The following CALN1 variants were observed in gnomAD, a reference collection of about 807,000 sequenced individuals.
CALN1 encodes calneuron 1.
CALN1 carries 17 observed loss-of-function variants against 30.6 expected under a neutral mutation model. That is an observed-to-expected ratio of 0.56 (90% CI 0.38 to 0.83). The LOEUF is 0.83. CALN1 is among the 40% of genes least tolerant of loss of function. The pLI is 0.00. For missense variants in CALN1, 291 were observed against 354.9 expected (o/e 0.82, Z 1.45); for synonymous variants, 156 against 131.4 (o/e 1.19, Z -1.28).
chr7:72,148,783 T>A (rs1786979078), intron 3 of CALN1, among the ~76,000 whole-genome samples: 1 of 152,138 alleles, frequency 6.6e-6, no homozygotes, highest in East Asian at 1.9e-4. Context: ...CAGGCACCTG[T>A]AATCCCAGTT....
At chr7:72,439,976 G>GGGGCCAAC (rs1808301165) in intron 1 of CALN1, among the ~76,000 whole-genome samples, 1 of 152,172 alleles carries the variant, frequency 6.6e-6, no homozygotes. Context: ...AAAGATCCAT[G>GGGGCCAAC]TATAAGTGGC....
intron 2 of CALN1, among the ~76,000 whole-genome samples, chr7:72,304,446 C>G (rs979442622): frequency 6.6e-6 from 1 of 152,084 alleles, no homozygotes; most frequent in Non-Finnish European, 1.5e-5. Context: ...AGTTCCAGGC[C>G]AGCCTGGGCA....
chr7:72,490,401 G>A, the CALN1 span, among the ~76,000 whole-genome samples: 1 of 152,174 alleles, frequency 6.6e-6, no homozygotes, highest in Non-Finnish European at 1.5e-5. Flanking sequence ...TCAGGCAGAC[G>A]CGGATTTTCA....
At chr7:72,266,881 T>C (rs543434360) in intron 3 of CALN1, among the ~76,000 whole-genome samples, 3 of 152,258 alleles carry the variant, frequency 2.0e-5, no homozygotes, top group East Asian at 3.9e-4. Context: ...ACAAAAGATA[T>C]CTTTCTCAAG....
chr7:72,197,180 T>TC (rs1791081489), intron 3 of CALN1, among the ~76,000 whole-genome samples: 1 of 45,798 alleles, frequency 2.2e-5, no homozygotes, highest in Admixed American at 2.2e-4. Context: ...AAGGTTTGCT[T>TC]TTTTTTTTTT....
chr7:72,024,956 T>C (rs754586603), intron 4 of CALN1, among the ~76,000 whole-genome samples: 1 of 152,192 alleles, frequency 6.6e-6, no homozygotes, highest in Non-Finnish European at 1.5e-5. Flanking sequence ...TAGGCAGAAC[T>C]GGTCGAACTT....
At position 72,072,221 on chromosome 7, in the gene CALN1, T is replaced by A. The variant is rs576249027; in HGVS notation, c.388+33930A>T. Reference sequence around the variant, plus strand: ...CAAAGAGACCCACATCAAGACATACTATAGTCAAACTTTCAAAAGACAAAG... The same window carrying A: ...CAAAGAGACCCACATCAAGACATACAATAGTCAAACTTTCAAAAGACAAAG... On this transcript the variant is annotated intron_variant, in intron 4 of 6. Coordinates refer to ENST00000395275, the MANE Select transcript of CALN1 (RefSeq NM_031468.4). Among the ~76,000 whole-genome samples the A allele has an allele frequency of 5.3e-5, 8 of 152,222 alleles. No individual in the cohort carries two copies. In the South Asian group the frequency reaches 1.5e-3, roughly 28 times the overall value.
chr7:71,846,888 T>C (rs988215419), intron 5 of CALN1, among the ~76,000 whole-genome samples: 15 of 146,802 alleles, frequency 1.0e-4, no homozygotes, highest in African/African-American at 3.2e-4. Flanking sequence ...TATACACACA[T>C]ATATGTATAT....
chr7:72,394,389 G>C (rs1389761593), intron 2 of CALN1, among the ~76,000 whole-genome samples: 1 of 152,150 alleles, frequency 6.6e-6, no homozygotes, highest in Non-Finnish European at 1.5e-5. Flanking sequence ...AGCTATGCTT[G>C]CACAAGTTTG....
intron 4 of CALN1, among the ~76,000 whole-genome samples, chr7:72,047,734 C>T (rs1458610608): frequency 6.6e-6 from 1 of 152,150 alleles, no homozygotes; most frequent in Non-Finnish European, 1.5e-5. Context: ...TAAATATTTA[C>T]CCAAACCCAT....
At position 71,932,665 on chromosome 7, in the gene CALN1, A is replaced by T. The variant is rs190051088; in HGVS notation, c.501+90992T>A. On this transcript the variant is annotated intron_variant, in intron 5 of 6. Transcript: ENST00000395275. ...CGTCTCTACTAAAAATACAAAAAAA[A>T]AATTAGCTGGGCGTGGTGGCGGGCA... Among the ~76,000 whole-genome samples, 878 of 151,570 alleles carry T rather than the reference A, an allele frequency of 5.8e-3. 8 individuals are homozygous for T. The highest frequency in any genetic ancestry group is 0.02 in the African/African-American group (834 of 41,452).
intron 1 of CALN1, among the ~76,000 whole-genome samples, chr7:72,422,975 A>C (rs1281228763): frequency 1.3e-5 from 2 of 152,094 alleles, no homozygotes; most frequent in Non-Finnish European, 1.5e-5. Context: ...ATAAAAATAC[A>C]AAAATTAGCC....
At chr7:72,044,488 T>A (rs1287670663) in intron 4 of CALN1, among the ~76,000 whole-genome samples, 1 of 151,960 alleles carries the variant, frequency 6.6e-6, no homozygotes, top group African/African-American at 2.4e-5. Flanking sequence ...GAAGAGAAAT[T>A]ATCCAGGCAA....
intron 3 of CALN1, among the ~76,000 whole-genome samples, chr7:72,163,948 G>T (rs1206545836): frequency 6.6e-6 from 1 of 151,654 alleles, no homozygotes; most frequent in African/African-American, 2.4e-5. Flanking sequence ...AAAGAAAGAA[G>T]AAAGAAAGAA....
chr7:71,895,628 C>T (rs1240157486), intron 5 of CALN1, among the ~76,000 whole-genome samples: 3 of 152,112 alleles, frequency 2.0e-5, no homozygotes, highest in Admixed American at 6.5e-5. Context: ...TACATTCATG[C>T]CAGGTGCCCA....
chr7:72,390,470 C>T (rs1805511855), intron 2 of CALN1, among the ~76,000 whole-genome samples: 1 of 152,082 alleles, frequency 6.6e-6, no homozygotes, highest in Non-Finnish European at 1.5e-5. Context: ...AGATTGGCTG[C>T]CCTGAGACAG....
chr7:71,941,146 A>G (rs1458408421), intron 5 of CALN1, among the ~76,000 whole-genome samples: 1 of 152,100 alleles, frequency 6.6e-6, no homozygotes, highest in Non-Finnish European at 1.5e-5. Flanking sequence ...CAAGAGCTCA[A>G]AACCAGCCTG....
chr7:72,396,248 A>AAAAG (rs1805935527), intron 2 of CALN1, among the ~76,000 whole-genome samples: 1 of 67,556 alleles, frequency 1.5e-5, no homozygotes, highest in African/African-American at 1.1e-4. Flanking sequence ...AAAAAAAAAA[A>AAAAG]AAAAAAAAAG....
chr7:72,353,634 A>T (rs1803064005), intron 2 of CALN1, among the ~76,000 whole-genome samples: 1 of 152,122 alleles, frequency 6.6e-6, no homozygotes, highest in African/African-American at 2.4e-5. Flanking sequence ...ATGGTTAAAA[A>T]CTGAATGCTT....
Sources: gnomAD v4.1 joint callset for allele counts (sites outside exome capture counted in the v4.1 genomes callset) on GRCh38, gnomAD v4.1.1 for gene constraint, MANE v1.5 for transcripts, NCBI Gene and HGNC (gene_info 2026-07-23, HGNC 2026-07-21) for gene names.